BLTP1: variants seen among roughly 807,000 people sequenced by gnomAD.
BLTP1 encodes fragile site-associated protein.
chr4:122,181,010 A>G, the BLTP1 span, among the ~76,000 whole-genome samples: 60 of 152,314 alleles, frequency 3.9e-4, no homozygotes, highest in African/African-American at 1.2e-3. Context: ...AAGCATGACT[A>G]TTTATTCAGA....
the BLTP1 span, chr4:122,343,426 C>T: frequency 1.9e-6 from 3 of 1,613,718 alleles, no homozygotes; most frequent in Non-Finnish European, 8.5e-7. Flanking sequence ...CGGGATTAGG[C>T]AGCCCTCTTG....
At chr4:122,206,843 T>G in the BLTP1 span, among the ~76,000 whole-genome samples, 3 of 151,292 alleles carry the variant, frequency 2.0e-5, no homozygotes, top group African/African-American at 4.8e-5. Context: ...AGCAGGTGAT[T>G]TTTTTTTAAT....
the BLTP1 span, among the ~76,000 whole-genome samples, chr4:122,361,176 C>T: frequency 6.6e-6 from 1 of 152,148 alleles, no homozygotes; most frequent in Non-Finnish European, 1.5e-5. Context: ...CAACCCCCAC[C>T]CTGAGTTCAG....
At chr4:122,316,760 C>T in the BLTP1 span, 21 of 1,611,656 alleles carry the variant, frequency 1.3e-5, no homozygotes, top group Non-Finnish European at 1.8e-5. Context: ...AGACAGGCAG[C>T]ATCTGCTAGC....
the BLTP1 span, chr4:122,247,042 T>G: frequency 7.5e-7 from 1 of 1,335,684 alleles, no homozygotes; most frequent in South Asian, 1.5e-5. Flanking sequence ...TTTACTACTA[T>G]TGGTGTATAA....
chr4:122,166,815 T>C, the BLTP1 span, among the ~76,000 whole-genome samples: 1,513 of 152,322 alleles, frequency 9.9e-3, 27 homozygotes, highest in African/African-American at 0.033. Context: ...GATTCCTAAG[T>C]ATTTTATTCT....
the BLTP1 span, chr4:122,227,029 A>G: frequency 1.8e-6 from 1 of 548,322 alleles, no homozygotes; most frequent in Non-Finnish European, 2.7e-6. Flanking sequence ...TTATTAAAAC[A>G]TACAAATTAA....
chr4:122,170,264 C>G, the BLTP1 span: 23 of 669,460 alleles, frequency 3.4e-5, no homozygotes, highest in African/African-American at 4.2e-4. Context: ...GAGATCATGC[C>G]ATTGCACTCC....
the BLTP1 span, chr4:122,189,102 A>G: frequency 3.1e-6 from 3 of 963,920 alleles, no homozygotes; most frequent in Non-Finnish European, 3.7e-6. Context: ...GAAAAATTAT[A>G]GAGAGTAAGA....
At chr4:122,315,556 T>A in the BLTP1 span, 3 of 1,614,116 alleles carry the variant, frequency 1.9e-6, no homozygotes, top group Non-Finnish European at 2.5e-6. Flanking sequence ...AAAGGCTTAA[T>A]GCTCTGGGCA....
At chr4:122,196,238 G>A in the BLTP1 span, among the ~76,000 whole-genome samples, 1 of 152,106 alleles carries the variant, frequency 6.6e-6, no homozygotes, top group Non-Finnish European at 1.5e-5. Context: ...TATGAGACAA[G>A]GTATATTATT....
At chr4:122,343,300 T>C in the BLTP1 span, 1 of 1,361,290 alleles carries the variant, frequency 7.3e-7, no homozygotes, top group Non-Finnish European at 1.0e-6. Context: ...TGATCTGATG[T>C]TTGAGTGTTT....
the BLTP1 span, among the ~76,000 whole-genome samples, chr4:122,304,051 C>T: frequency 6.6e-6 from 1 of 152,062 alleles, no homozygotes; most frequent in Non-Finnish European, 1.5e-5. Flanking sequence ...TGACACAAAC[C>T]TCATTGTCAT....
At chr4:122,271,592 A>G in the BLTP1 span, 2 of 1,613,302 alleles carry the variant, frequency 1.2e-6, no homozygotes, top group Admixed American at 1.7e-5. Flanking sequence ...CTCTGATTCA[A>G]TTACAGTGTC....
At chr4:122,199,340 T>G in the BLTP1 span, 1 of 1,609,026 alleles carries the variant, frequency 6.2e-7, no homozygotes, top group Non-Finnish European at 8.5e-7. Context: ...GTTCTTAGTT[T>G]TTATGTTTTT....
the BLTP1 span, chr4:122,269,379 T>TCTGTTTTGAGTGAGAG: frequency 6.1e-6 from 6 of 982,976 alleles, no homozygotes; most frequent in Non-Finnish European, 7.2e-6. Flanking sequence ...CACAAGTAAG[T>TCTGTTTTGAGTGAGAG]CTGTTTTGAG....
the BLTP1 span, chr4:122,238,295 CA>C: frequency 6.2e-7 from 1 of 1,613,976 alleles, no homozygotes; most frequent in East Asian, 2.2e-5. Context: ...TGCTGATGAC[CA>C]TTTGGTTCAA....
chr4:122,277,830 A>C, the BLTP1 span: 2 of 637,926 alleles, frequency 3.1e-6, no homozygotes. Context: ...TTTCATATTT[A>C]ATGTCTGTAT....
At chr4:122,213,227 C>T in the BLTP1 span, among the ~76,000 whole-genome samples, 1 of 152,044 alleles carries the variant, frequency 6.6e-6, no homozygotes, top group African/African-American at 2.4e-5. Context: ...TTTGGAGAGA[C>T]TGGGTCCTGC....
Sources: allele counts gnomAD v4.1 joint callset (sites outside exome capture counted in the v4.1 genomes callset), GRCh38; gene constraint gnomAD v4.1.1; transcripts MANE v1.5; gene names NCBI Gene and HGNC (gene_info 2026-07-23, HGNC 2026-07-21).